Variants in LARGE1 observed in about 807,000 individuals in gnomAD.
LARGE1 encodes xylosyl- and glucuronyltransferase LARGE1.
In LARGE1, 43 loss-of-function variants were observed where a neutral mutation model predicts 87.6. The ratio of observed to expected loss-of-function variants is 0.49; its 90% CI spans 0.38 to 0.63. The LOEUF is 0.63. Among genes scored for constraint, LARGE1 ranks in the 30% least tolerant of loss-of-function variants. LARGE1 has a pLI of 0.00. For missense variants in LARGE1, 802 were observed against 1,000.2 expected, an observed-to-expected ratio of 0.80 and a Z score of 2.67; for synonymous variants, 434 against 394.6, an observed-to-expected ratio of 1.10 and a Z score of -1.18.
intron 1 of LARGE1, among the ~76,000 whole-genome samples, chr22:33,795,351 G>A (rs973258677): frequency 8.5e-5 from 13 of 152,128 alleles, no homozygotes; most frequent in African/African-American, 3.1e-4. Flanking sequence ...TTACACAGAC[G>A]CAAATAACTT....
chr22:33,128,494 G>A, the LARGE1 span, among the ~76,000 whole-genome samples: 1 of 152,034 alleles, frequency 6.6e-6, no homozygotes, highest in South Asian at 2.1e-4. Flanking sequence ...GGCCAACATG[G>A]TGAAACCACG....
chr22:33,263,899 G>C (rs899563501), intron 11 of LARGE1, among the ~76,000 whole-genome samples: 2 of 152,192 alleles, frequency 1.3e-5, no homozygotes, highest in African/African-American at 2.4e-5. Flanking sequence ...AGCTACCTGG[G>C]TTCAAATCTC....
intron 5 of LARGE1, among the ~76,000 whole-genome samples, chr22:33,593,494 A>G (rs1217818339): frequency 6.6e-6 from 1 of 152,172 alleles, no homozygotes; most frequent in East Asian, 1.9e-4. Context: ...CTCTCACAGC[A>G]CAGAAGCTGA....
chr22:33,652,127 G>T (rs1308680990), intron 2 of LARGE1, among the ~76,000 whole-genome samples: 2 of 152,106 alleles, frequency 1.3e-5, no homozygotes, highest in Non-Finnish European at 2.9e-5. Context: ...AGTAAGCCGA[G>T]ATTGCACCAC....
At position 33,707,052 on chromosome 22, in the gene LARGE1, A is replaced by G. The variant is rs547779085; in HGVS notation, c.106+54319T>C. 1.3e-5 allele frequency among the ~76,000 whole-genome samples: 2 copies of G among 152,366 alleles called. 1 individual carries two copies. The highest frequency in any genetic ancestry group is 4.1e-4 in the South Asian group (2 of 4,830). On this transcript the variant is annotated intron_variant, in intron 2 of 14. Transcript: ENST00000397394. ...ATGTCACCAGAAAGCAGCCTGAAAA[A>G]GCAACCATCACCCCATCATCCAGTA...
At chr22:33,812,102 G>C (rs1481193978) in intron 1 of LARGE1, among the ~76,000 whole-genome samples, 4 of 152,216 alleles carry the variant, frequency 2.6e-5, no homozygotes, top group Admixed American at 2.6e-4. Context: ...GTTCAACCCA[G>C]GTGGCAAATG....
At chr22:33,431,853 C>A (rs1427601091) in intron 7 of LARGE1, among the ~76,000 whole-genome samples, 1 of 152,124 alleles carries the variant, frequency 6.6e-6, no homozygotes, top group Non-Finnish European at 1.5e-5. Flanking sequence ...GATATCTGGT[C>A]TGTATTAACA....
rs73882231 is a variant in LARGE1, at chr22:33,455,814, A to G, written c.788-23549T>C. 4.3e-3 allele frequency among the ~76,000 whole-genome samples: 647 copies of G among 151,742 alleles called. 4 individuals are homozygous for G. The highest frequency in any genetic ancestry group is 0.015 in the African/African-American group (640 of 41,386). ...GGTTTAAACAACTGGGAAGGATAGT[A>G]GAAGTCTCCTCGGAGTCTGCATTCT... On this transcript the variant is annotated intron_variant, in intron 6 of 14. Transcript: ENST00000397394.
chr22:33,766,951 T>TATATATATATATATATATATATATATAC (rs2084925872), intron 1 of LARGE1, among the ~76,000 whole-genome samples: 2 of 40,596 alleles, frequency 4.9e-5, no homozygotes, highest in Non-Finnish European at 1.0e-4. Context: ...TATATATATA[T>TATATATATATATATATATATATATATAC]ATATATATAT....
chr22:33,618,398 A>C (rs2149041991), intron 4 of LARGE1, among the ~76,000 whole-genome samples: 1 of 152,246 alleles, frequency 6.6e-6, no homozygotes, highest in South Asian at 2.1e-4. Context: ...AAACTATTTA[A>C]CTTCCCTGAG....
At chr22:33,864,290 G>A (rs1168257582) in intron 1 of LARGE1, among the ~76,000 whole-genome samples, 1 of 152,190 alleles carries the variant, frequency 6.6e-6, no homozygotes, top group African/African-American at 2.4e-5. Flanking sequence ...AAGACATGGA[G>A]GCCCCTATGT....
At chr22:33,893,899 G>A (rs1005679) in intron 1 of LARGE1, among the ~76,000 whole-genome samples, 6,188 of 152,234 alleles carry the variant, frequency 0.041, 156 homozygotes, top group East Asian at 0.14. Context: ...GTCTCACAGG[G>A]CACCTCCGCC....
At chr22:33,550,174 C>CAT (rs1256404695) in intron 6 of LARGE1, among the ~76,000 whole-genome samples, 1 of 128,138 alleles carries the variant, frequency 7.8e-6, no homozygotes, top group African/African-American at 2.6e-5. Context: ...CACACACACA[C>CAT]ACATATATAT....
chr22:33,237,041 C>T (rs1568985081), intron 11 of LARGE1, among the ~76,000 whole-genome samples: 1 of 152,136 alleles, frequency 6.6e-6, no homozygotes, highest in East Asian at 1.9e-4. Flanking sequence ...TAGAATTGGA[C>T]CATAATGGTG....
chr22:33,295,340 G>A (rs116082096), intron 12 of LARGE1, among the ~76,000 whole-genome samples: 2,972 of 152,332 alleles, frequency 0.02, 87 homozygotes, highest in African/African-American at 0.068. Flanking sequence ...AGGCAAAGAA[G>A]GGCACACATG....
At chr22:33,812,859 T>C (rs738950) in intron 1 of LARGE1, among the ~76,000 whole-genome samples, 134,748 of 152,138 alleles carry the variant, frequency 0.89, 59,858 homozygotes, top group East Asian at 0.97. Context: ...AGATGAAAAC[T>C]GTCTGTCCTT....
At chr22:33,159,945 A>AC (rs1404499377), downstream of LARGE1, among the ~76,000 whole-genome samples, 2 of 151,558 alleles carry the variant, frequency 1.3e-5, no homozygotes, top group Non-Finnish European at 2.9e-5. Context: ...TAAAAAAAAA[A>AC]AAACACTCAA....
chr22:33,593,464 A>G (rs1012523341), intron 5 of LARGE1, among the ~76,000 whole-genome samples: 3 of 152,186 alleles, frequency 2.0e-5, no homozygotes, highest in African/African-American at 7.2e-5. Context: ...AACTCTGCAG[A>G]CATTTTATTT....
intron 4 of LARGE1, among the ~76,000 whole-genome samples, chr22:33,607,777 G>A (rs1010438436): frequency 1.3e-5 from 2 of 152,220 alleles, no homozygotes; most frequent in Admixed American, 1.3e-4. Flanking sequence ...TGCCATACAT[G>A]TAACAGGTGC....
Sources: allele counts gnomAD v4.1 joint callset (sites outside exome capture counted in the v4.1 genomes callset), GRCh38; gene constraint gnomAD v4.1.1; transcripts MANE v1.5; gene names NCBI Gene and HGNC (gene_info 2026-07-23, HGNC 2026-07-21).